OGFOD1: variants seen among roughly 807,000 people sequenced by gnomAD.
The protein encoded by OGFOD1 is 2-oxoglutarate and iron dependent oxygenase domain containing 1.
A neutral mutation model predicts 67.7 loss-of-function variants in OGFOD1; 54 were observed. The observed-to-expected ratio is 0.80, with a 90% CI of 0.64 to 1.00. The LOEUF is 1.00. Ranked by LOEUF, OGFOD1 falls within the 50% of genes least tolerant of loss-of-function variation. OGFOD1 has a pLI of 0.00. For synonymous variants in OGFOD1, 221 were observed against 227.0 expected (o/e 0.97, Z 0.24); for missense variants, 606 against 646.7 (o/e 0.94, Z 0.68).
At chr16:56,468,757 A>C (rs1963014515) in intron 8 of OGFOD1, among the ~76,000 whole-genome samples, 1 of 151,346 alleles carries the variant, frequency 6.6e-6, no homozygotes, top group African/African-American at 2.4e-5. Flanking sequence ...CAGAAAACTT[A>C]TTCTCATGCC....
intron 8 of OGFOD1, 83 bp from the exon 9 acceptor site, chr16:56,469,920 T>A: frequency 9.2e-7 from 1 of 1,087,704 alleles, no homozygotes; most frequent in Non-Finnish European, 1.4e-6. Flanking sequence ...AGATTGATGT[T>A]TGGCAGAGCT....
rs143254332 is a variant in OGFOD1, at chr16:56,452,817, G to T, written c.155-446G>T. ...GAGGTGGTTATGCCCGAACTGAACTGATTTTTTTTTTAAGTACAGTAAGTA... is the reference window on the plus strand; with the variant it reads ...GAGGTGGTTATGCCCGAACTGAACTTATTTTTTTTTTAAGTACAGTAAGTA... On this transcript the variant is annotated intron_variant, in intron 1 of 12. Coordinates refer to ENST00000566157, the MANE Select transcript of OGFOD1 (RefSeq NM_018233.4). Among the ~76,000 whole-genome samples the T allele has an allele frequency of 9.9e-5, 15 of 152,122 alleles. No homozygotes were observed. In the East Asian group the frequency reaches 2.9e-3, roughly 29 times the overall value.
At chr16:56,475,448 A>C in intron 11 of OGFOD1, 59 bp from the exon 12 acceptor site, 4 of 1,465,356 alleles carry the variant, frequency 2.7e-6, no homozygotes, top group Non-Finnish European at 3.8e-6. Flanking sequence ...TGATTTAAGT[A>C]GATGGTGCGA....
rs759136105 is a variant in OGFOD1 at position 56,453,386 on chromosome 16, A to G, written c.278A>G (p.Asn93Ser). The change falls in exon 2 of 13, where the codon AAT (asparagine) becomes AGT (serine). Residue 93 changes from asparagine to serine, a missense_variant. Physicochemically the swap from Asn to Ser is conservative, Grantham distance 46. Coordinates refer to ENST00000566157, the MANE Select transcript of OGFOD1 (RefSeq NM_018233.4). ...AACTTGGACTTCCATGAGAAGTATAATGATTTATATAAGTTCCAGCAGGTA... is the reference window on the plus strand; with the variant it reads ...AACTTGGACTTCCATGAGAAGTATAGTGATTTATATAAGTTCCAGCAGGTA... ...LMNLDFHEKY[N>S]DLYKFQQSDD... is the part of the protein sequence containing the mutation. 1.2e-6 allele frequency: 2 copies of G among 1,610,620 alleles called. No individual in the cohort carries two copies. Among genetic ancestry groups the G allele is most frequent in the South Asian group, 1.1e-5 (1 of 89,892 alleles).
At chr16:56,470,179 A>G in intron 9 of OGFOD1, 97 bp downstream of exon 9, 1 of 1,074,738 alleles carries the variant, frequency 9.3e-7, no homozygotes, top group East Asian at 2.5e-5. Context: ...GGAAAAATAG[A>G]CTGAGGTGAT....
At position 56,467,294 on chromosome 16, in the gene OGFOD1, G is replaced by A; in HGVS notation, c.786+1G>A. ...TCGGAGCCCTCACATCCCACAAGAT[G>A]TAAGAAGAATTGCTGATATCCTTAT... On this transcript the variant is annotated splice_donor_variant, in intron 7 of 12. Transcript: ENST00000566157. LOFTEE classifies it high-confidence loss of function. 2 of 1,614,066 alleles carry A rather than the reference G, an allele frequency of 1.2e-6. No homozygotes were observed. Among genetic ancestry groups the A allele is most frequent in the Non-Finnish European group, 8.5e-7 (1 of 1,180,000 alleles).
At chr16:56,462,475 A>G (rs1962743071) in intron 3 of OGFOD1, 59 bp from the exon 4 acceptor site, 4 of 1,027,562 alleles carry the variant, frequency 3.9e-6, no homozygotes, top group African/African-American at 1.6e-5. Flanking sequence ...AGATCCAAAC[A>G]GTTGTGACCT....
At chr16:56,458,754 T>C (rs1962611800) in intron 3 of OGFOD1, 160 bp downstream of exon 3, 1 of 619,094 alleles carries the variant, frequency 1.6e-6, no homozygotes, top group Non-Finnish European at 2.8e-6. Flanking sequence ...TTGCATAGCT[T>C]AAAATTAAGG....
At position 56,451,637 on chromosome 16, in the gene OGFOD1, C is replaced by T; in HGVS notation, c.25C>T (p.Pro9Ser). Reference protein sequence around the residue: MNGKRPAEPGPARVGKKGK... With the variant: MNGKRPAESGPARVGKKGK... ...GATGAATGGGAAGCGGCCAGCGGAG[C>T]CCGGCCCAGCCCGGGTGGGAAAAAA... The change falls in exon 1 of 13, where the codon CCC (proline) becomes TCC (serine). Residue 9 changes from proline to serine, a missense_variant. By Grantham distance (74) the Pro-to-Ser change is moderately conservative (BLOSUM62 -1). Coordinates refer to ENST00000566157, the MANE Select transcript of OGFOD1 (RefSeq NM_018233.4). 6.2e-7 allele frequency: 1 copy of T among 1,613,868 alleles called. No individual in the cohort carries two copies. The highest frequency in any genetic ancestry group is 8.5e-7 in the Non-Finnish European group (1 of 1,179,994).
At chr16:56,469,836 G>T (rs1156632397) in intron 8 of OGFOD1, among the ~76,000 whole-genome samples, 167 bp from the exon 9 acceptor site, 2 of 122,222 alleles carry the variant, frequency 1.6e-5, no homozygotes, top group Non-Finnish European at 3.2e-5. Flanking sequence ...GGCAACAAGA[G>T]TGAAACTCCA....
intron 1 of OGFOD1, among the ~76,000 whole-genome samples, chr16:56,452,681 T>C (rs1236515705): frequency 6.6e-6 from 1 of 152,168 alleles, no homozygotes; most frequent in Non-Finnish European, 1.5e-5. Context: ...GTTAAAAAGA[T>C]TGAATGAGAT....
Position 56,466,151 on chromosome 16 carries a change from G to C in OGFOD1, c.449-1G>C. The stretch of plus-strand genomic sequence containing the variant: ...CTAAGGTGTCCATTAAACTATTGCA[G>C]ATGCCCTGCTGTGCCATGATGATGA... On this transcript the variant is annotated splice_acceptor_variant, in intron 4 of 12. Coordinates refer to ENST00000566157, the MANE Select transcript of OGFOD1 (RefSeq NM_018233.4). LOFTEE classifies it high-confidence loss of function. 1 of 1,612,426 alleles carries C rather than the reference G, an allele frequency of 6.2e-7. No individual in the cohort carries two copies. Among genetic ancestry groups the C allele is most frequent in the East Asian group, 2.2e-5 (1 of 44,874 alleles).
intron 1 of OGFOD1, 59 bp from the exon 2 acceptor site, chr16:56,453,204 A>G: frequency 6.5e-7 from 1 of 1,546,068 alleles, no homozygotes; most frequent in Non-Finnish European, 8.8e-7. Context: ...CTGCTATGTT[A>G]CTTGGATGTC....
In OGFOD1 at chr16:56,467,932, C is replaced by A; in HGVS notation, c.814C>A (p.Pro272Thr). Reference sequence around the variant, plus strand: ...TGAGATTTTGTATGATTGGATCAACCCTACTTATCTGGACATGGATTACCA... The same window carrying A: ...TGAGATTTTGTATGATTGGATCAACACTACTTATCTGGACATGGATTACCA... Reference protein sequence around the residue: ...DHEILYDWINPTYLDMDYQVQ... With the variant: ...DHEILYDWINTTYLDMDYQVQ... The change falls in exon 8 of 13, where the codon CCT (proline) becomes ACT (threonine). Residue 272 changes from proline (P) to threonine (T), a missense_variant. Pro to Thr is a conservative substitution (Grantham distance 38, BLOSUM62 -1). Coordinates refer to ENST00000566157, the MANE Select transcript of OGFOD1 (RefSeq NM_018233.4). The A allele has an allele frequency of 6.2e-7, 1 of 1,602,176 alleles. No individual in the cohort carries two copies. Among genetic ancestry groups the A allele is most frequent in the Non-Finnish European group, 8.6e-7 (1 of 1,169,212 alleles).
At chr16:56,459,703 C>T (rs1962646929) in intron 3 of OGFOD1, among the ~76,000 whole-genome samples, 1 of 151,902 alleles carries the variant, frequency 6.6e-6, no homozygotes, top group South Asian at 2.1e-4. Context: ...ACATTTTTGT[C>T]AAGAGAAAAA....
chr16:56,476,168 C>T lies in OGFOD1; in HGVS notation c.1592C>T (p.Thr531Ile). ...LEQKKTFPNR[T>I]GFWDFSFIYY... Reference sequence around the variant, plus strand: ...CAAAAGAAAACCTTCCCAAACAGAACAGGTTTCTGGGACTTTTCATTCATC... The same window carrying T: ...CAAAAGAAAACCTTCCCAAACAGAATAGGTTTCTGGGACTTTTCATTCATC... Residue 531 changes from threonine to isoleucine, a missense_variant, in exon 13 of 13, where the codon ACA (threonine) becomes ATA (isoleucine). Physicochemically the swap from Thr to Ile is moderately conservative, Grantham distance 89 (BLOSUM62 -1). Transcript: ENST00000566157. 6.2e-7 allele frequency: 1 copy of T among 1,612,978 alleles called. No individual in the cohort carries two copies. The highest frequency in any genetic ancestry group is 8.5e-7 in the Non-Finnish European group (1 of 1,179,942).
chr16:56,475,015 C>T lies in OGFOD1; in HGVS notation c.1408+65C>T, dbSNP rs549914965. The T allele has an allele frequency of 3.3e-4, 506 of 1,541,772 alleles. 4 individuals carry two copies. In the South Asian group the frequency reaches 5.6e-3, roughly 17 times the overall value. Reference sequence around the variant, plus strand: ...GGAGGGGCAGTCTCTTCTGAGGGACCCTTTCCAGCTGAACCAATTCATAAG... The same window carrying T: ...GGAGGGGCAGTCTCTTCTGAGGGACTCTTTCCAGCTGAACCAATTCATAAG... On this transcript the variant is annotated intron_variant, in intron 11 of 12. Coordinates refer to ENST00000566157, the MANE Select transcript of OGFOD1 (RefSeq NM_018233.4).
chr16:56,476,383 G>A lies in OGFOD1; in HGVS notation c.*178G>A. The A allele has an allele frequency of 2.3e-6, 1 of 437,718 alleles. No homozygotes were observed. The highest frequency in any genetic ancestry group is 2.1e-5 in the African/African-American group (1 of 47,762). 27.1% of individuals were successfully genotyped at this position (437,718 alleles called of 1,614,324 possible). A position where few individuals can be genotyped will look rare whatever the true frequency, so the allele number is the denominator to read the frequency against. ...CCTCAACCGAGACCTTGAGCTTGCA[G>A]CTAAGTACTTATCTCTTGATTAAAA... On this transcript the variant is annotated 3_prime_UTR_variant, in exon 13 of 13. Coordinates refer to ENST00000566157, the MANE Select transcript of OGFOD1 (RefSeq NM_018233.4).
At chr16:56,471,197 CA>C (rs61143039) in intron 10 of OGFOD1, among the ~76,000 whole-genome samples, 403 of 132,658 alleles carry the variant, frequency 3.0e-3, no homozygotes, top group Admixed American at 3.0e-3. Flanking sequence ...ACTAAAAATA[CA>C]AAAAAAAAAA....
Sources: gnomAD v4.1 joint callset for allele counts (sites outside exome capture counted in the v4.1 genomes callset) on GRCh38, gnomAD v4.1.1 for gene constraint, MANE v1.5 for transcripts, NCBI Gene and HGNC (gene_info 2026-07-23, HGNC 2026-07-21) for gene names.